The following RNF215 variants were observed in gnomAD, a reference collection of about 807,000 sequenced individuals.
RNF215 encodes ring finger protein 215.
RNF215 carries 41 observed loss-of-function variants against 44.8 expected under a neutral mutation model. The ratio of observed to expected loss-of-function variants is 0.92; its 90% CI spans 0.71 to 1.19. The LOEUF (loss-of-function observed/expected upper bound fraction) is 1.19. RNF215 is among the 50% of genes most tolerant of loss of function. The pLI is 0.00. For synonymous variants in RNF215, 218 were observed against 230.1 expected, an observed-to-expected ratio of 0.95 and a Z score of 0.48; for missense variants, 452 against 496.2, an observed-to-expected ratio of 0.91 and a Z score of 0.85.
At chr22:30,386,548 G>C in intron 2 of RNF215, 68 bp downstream of exon 2, 2 of 1,549,826 alleles carry the variant, frequency 1.3e-6, no homozygotes, top group African/African-American at 1.4e-5. Flanking sequence ...ATCTAAGGAG[G>C]GCCTGGCTCT....
At chr22:30,386,980 G>T in intron 1 of RNF215, 49 bp downstream of exon 1, 6 of 1,531,394 alleles carry the variant, frequency 3.9e-6, no homozygotes, top group Non-Finnish European at 4.4e-6. Context: ...TCTAGGGAGG[G>T]TTGAGAGAGG....
In RNF215 at chr22:30,378,934, C is replaced by T. The variant is rs1476033837; in HGVS notation, c.*666G>A. ...CCCCTGGATGAGGCACCACATTGAT[C>T]CTGTGGCTTCGAGTATCCCGGTCAG... On this transcript the variant is annotated 3_prime_UTR_variant, in exon 9 of 9. Transcript: ENST00000382363. The T allele has an allele frequency of 6.7e-6, 1 of 149,856 alleles. No individual in the cohort carries two copies. Among genetic ancestry groups the T allele is most frequent in the Non-Finnish European group, 1.5e-5 (1 of 67,724 alleles). 9.3% of individuals were successfully genotyped at this position (149,856 alleles called of 1,614,324 possible).
At position 30,387,060 on chromosome 22, in the gene RNF215, G is replaced by C; in HGVS notation, c.254C>G (p.Pro85Arg). The C allele has an allele frequency of 6.5e-7, 1 of 1,543,408 alleles. No homozygotes were observed. Among genetic ancestry groups the C allele is most frequent in the Non-Finnish European group, 8.7e-7 (1 of 1,150,314 alleles). ...EGVRIGSEAD[P>R]APLLGGRLLL... ...CAGACGACCGCCCAGCAGGGGCGCC[G>C]GGTCGGCTTCGGAGCCGATCCTGAC... Residue 85 changes from proline to arginine, a missense_variant, in exon 1 of 9, where the codon CCG (proline) becomes CGG (arginine). By Grantham distance (103) the Pro-to-Arg change is moderately radical (BLOSUM62 -2). Coordinates refer to ENST00000382363, the MANE Select transcript of RNF215 (RefSeq NM_001017981.2).
At chr22:30,384,675 G>A (rs986483577) in intron 4 of RNF215, 180 bp from the exon 5 acceptor site, 9 of 560,274 alleles carry the variant, frequency 1.6e-5, no homozygotes, top group African/African-American at 1.5e-4. Context: ...CCAGGCCAGG[G>A]AAGCCTGCAA....
At position 30,380,777 on chromosome 22, in the gene RNF215, ATCC is replaced by A. The variant is rs1933519745; in HGVS notation, c.745-379_745-377del. 6.6e-6 allele frequency among the ~76,000 whole-genome samples: 1 copy of A among 151,602 alleles called. No homozygotes were observed. Among genetic ancestry groups the A allele is most frequent in the Admixed American group, 6.6e-5 (1 of 15,222 alleles). On this transcript the variant is annotated intron_variant, in intron 5 of 8. Coordinates refer to ENST00000382363, the MANE Select transcript of RNF215 (RefSeq NM_001017981.2). The surrounding 1 kb of genome is among the most constrained non-coding windows in gnomAD (Gnocchi z 5.3). ...GGGACCTGCTCACTCTCCCACCCCC[ATCC>A]TCCTGCACTTCCTCCTGGTCGGCTT... is the stretch of plus-strand genomic sequence containing the variant.
rs547541362 is a variant in RNF215, at chr22:30,386,916, C to G, written c.285+113G>C. ...GGGGCCTGGGGAGCCTGGGGAGGGG[C>G]GCTGGACTCTCAAGGCTTGGTGGAG... is the stretch of plus-strand genomic sequence containing the variant. On this transcript the variant is annotated intron_variant, in intron 1 of 8. Transcript: ENST00000382363. 90 of 1,481,758 alleles carry G rather than the reference C, an allele frequency of 6.1e-5. No individual in the cohort carries two copies. In the African/African-American group the frequency reaches 1.2e-3, roughly 19 times the overall value. 91.8% of individuals were successfully genotyped at this position (1,481,758 alleles called of 1,614,324 possible). A position where few individuals can be genotyped will look rare whatever the true frequency, so the allele number is the denominator to read the frequency against.
Position 30,385,887 on chromosome 22 carries a change from T to C in RNF215, c.587+17A>G. 6.2e-7 allele frequency: 1 copy of C among 1,612,014 alleles called. No homozygotes were observed. Among genetic ancestry groups the C allele is most frequent in the Non-Finnish European group, 8.5e-7 (1 of 1,178,654 alleles). ...TGTACCCAGGGTCAGTCCTTTGAAG[T>C]CTAAATACCAACTCACTGCAGCAAT... On this transcript the variant is annotated intron_variant, in intron 4 of 8. Coordinates refer to ENST00000382363, the MANE Select transcript of RNF215 (RefSeq NM_001017981.2).
At chr22:30,383,029 GAGGT>G (rs1207297079) in intron 5 of RNF215, among the ~76,000 whole-genome samples, 1 of 152,172 alleles carries the variant, frequency 6.6e-6, no homozygotes, top group African/African-American at 2.4e-5. Context: ...TTGAGCCCAG[GAGGT>G]CGAGGCTGCA....
chr22:30,379,201 A>C lies in RNF215; in HGVS notation c.*399T>G, dbSNP rs1601756229. The C allele has an allele frequency of 4.4e-6, 1 of 228,912 alleles. No individual in the cohort carries two copies. Among genetic ancestry groups the C allele is most frequent in the Non-Finnish European group, 8.7e-6 (1 of 114,378 alleles). 14.2% of individuals were successfully genotyped at this position (228,912 alleles called of 1,614,324 possible). ...CCACCCCCCAATAAATAAGCACAAA[A>C]CCTGGCCACTGTAGTCTCAGCCCCC... On this transcript the variant is annotated 3_prime_UTR_variant, in exon 9 of 9. Transcript: ENST00000382363.
At chr22:30,381,808 C>T (rs773678986) in intron 5 of RNF215, among the ~76,000 whole-genome samples, 6 of 152,304 alleles carry the variant, frequency 3.9e-5, no homozygotes, top group African/African-American at 1.4e-4. Context: ...TCTGTGAGCC[C>T]CAGCTCCCCT....
rs548598934 is a variant in RNF215, at chr22:30,380,345, T to C, written c.801A>G (p.Thr267=). 3 of 1,610,956 alleles carry C rather than the reference T, an allele frequency of 1.9e-6. No homozygotes were observed. Among genetic ancestry groups the C allele is most frequent in the African/African-American group, 1.3e-5 (1 of 74,944 alleles). Residue 267 remains threonine (T), a synonymous_variant, in exon 6 of 9, where the codon ACA becomes ACG. Transcript: ENST00000382363. This position sits in a 1 kb window ranked among gnomAD's most constrained non-coding sequence, Gnocchi z 5.3. The part of the protein sequence containing the change: ...AILLVAMLLC[T]GLVVQAQRQA... Reference sequence around the variant, plus strand: ...GCCGCTGGGCCTGGACCACGAGGCCTGTGCACAGGAGCATGGCCACCAGCA... The same window carrying C: ...GCCGCTGGGCCTGGACCACGAGGCCCGTGCACAGGAGCATGGCCACCAGCA...
intron 5 of RNF215, among the ~76,000 whole-genome samples, chr22:30,383,855 G>A (rs1486085386): frequency 6.6e-6 from 1 of 152,304 alleles, no homozygotes; most frequent in South Asian, 2.1e-4. Context: ...CCAAAGAAAC[G>A]TGGCAGGATG....
Position 30,387,206 on chromosome 22 carries a change from C to A in RNF215, c.108G>T (p.Leu36=), listed in dbSNP as rs989177934. The change falls in exon 1 of 9, where the codon CTG becomes CTT. Residue 36 remains leucine (L), a synonymous_variant. Coordinates refer to ENST00000382363, the MANE Select transcript of RNF215 (RefSeq NM_001017981.2). ...CGTCCGCCGCGGCCCCGGGCCCCGC[C>A]AGGCCCAGCCACAGCGGCAGCAGGG... The part of the protein sequence containing the change: ...LLPLLPLWLG[L]AGPGAAADGS... The A allele has an allele frequency of 3.1e-5, 31 of 1,016,162 alleles. No homozygotes were observed. In the African/African-American group the frequency reaches 4.9e-4, roughly 16 times the overall value. 62.9% of individuals were successfully genotyped at this position (1,016,162 alleles called of 1,614,324 possible).
intron 7 of RNF215, 52 bp from the exon 8 acceptor site, chr22:30,379,865 G>A (rs1439758511): frequency 8.5e-6 from 13 of 1,537,384 alleles, no homozygotes; most frequent in Admixed American, 1.8e-5. Flanking sequence ...GACTCCACGT[G>A]GGGGTGCCTG....
chr22:30,386,639 A>G lies in RNF215; in HGVS notation c.406T>C (p.Tyr136His). The G allele has an allele frequency of 6.2e-7, 1 of 1,613,220 alleles. No individual in the cohort carries two copies. The highest frequency in any genetic ancestry group is 8.5e-7 in the Non-Finnish European group (1 of 1,179,902). Residue 136 changes from tyrosine to histidine, a missense_variant, in exon 2 of 9, where the codon TAT (tyrosine) becomes CAT (histidine). Transcript: ENST00000382363. ...ACCTGCTGGACCAGGGCCTTGGGAT[A>G]GGCCTGCGGGCCACTGCCCTTATTC... is the stretch of plus-strand genomic sequence containing the variant. ...QENKGSGPQA[Y>H]PKALVQQMRR...
intron 5 of RNF215, among the ~76,000 whole-genome samples, chr22:30,383,162 C>T (rs1005928573): frequency 4.9e-4 from 75 of 152,268 alleles, no homozygotes; most frequent in South Asian, 8.3e-4. Context: ...GACTGAGAGC[C>T]CGATGCCCAT....
chr22:30,385,785 CAA>C (rs76749047), intron 4 of RNF215, 117 bp downstream of exon 4: 19,498 of 675,606 alleles, frequency 0.029, no homozygotes, highest in South Asian at 0.032. Flanking sequence ...TACTCCATCT[CAA>C]AAAAAAAAAA....
chr22:30,381,087 C>T (rs1019693912), intron 5 of RNF215, among the ~76,000 whole-genome samples: 1 of 152,232 alleles, frequency 6.6e-6, no homozygotes, highest in African/African-American at 2.4e-5. Context: ...CCCTCTTCCA[C>T]CTTATCCCTT....
chr22:30,384,440 C>A lies in RNF215; in HGVS notation c.643G>T (p.Glu215Ter), dbSNP rs372151132. Residue 215 changes from glutamate to a stop codon, truncating the protein, a stop_gained, in exon 5 of 9, where the codon GAG becomes TAG. Transcript: ENST00000382363. LOFTEE classifies it high-confidence loss of function. ...GTGGTCCACAAGGTCAACTTCCACTCGATATTGGCAGACAGGGACTCTCCG... is the reference window on the plus strand; with the variant it reads ...GTGGTCCACAAGGTCAACTTCCACTAGATATTGGCAGACAGGGACTCTCCG... ...TSGESLSANI[E>*]WKLTLWTTCG... The A allele has an allele frequency of 1.2e-6, 2 of 1,613,930 alleles. No individual in the cohort carries two copies. The highest frequency in any genetic ancestry group is 8.5e-7 in the Non-Finnish European group (1 of 1,179,988).
Sources: gnomAD v4.1 joint callset for allele counts (sites outside exome capture counted in the v4.1 genomes callset) on GRCh38, gnomAD v4.1.1 for gene constraint, Gnocchi (gnomAD v3.1) non-coding constraint, MANE v1.5 for transcripts, NCBI Gene and HGNC (gene_info 2026-07-23, HGNC 2026-07-21) for gene names.